Variants in AASS observed in about 807,000 individuals in gnomAD.
AASS encodes aminoadipate-semialdehyde synthase.
In AASS, 86 loss-of-function variants were observed where a neutral mutation model predicts 105.4. That is an observed-to-expected ratio of 0.82 (90% confidence interval 0.69 to 0.98). The LOEUF is 0.98. Among genes scored for constraint, AASS ranks in the 50% least tolerant of loss-of-function variants. AASS has a pLI of 0.00. For synonymous variants in AASS, 381 were observed against 394.8 expected (o/e 0.96, Z 0.41); for missense variants, 1,048 against 1,143.2 (o/e 0.92, Z 1.20).
chr7:122,076,318 G>T lies in AASS; in HGVS notation c.*171C>A. 1.6e-6 allele frequency: 1 copy of T among 607,256 alleles called. No individual in the cohort carries two copies. The highest frequency in any genetic ancestry group is 2.9e-6 in the Non-Finnish European group (1 of 342,516). 37.6% of individuals were successfully genotyped at this position (607,256 alleles called of 1,614,324 possible). ...TCTCTGTTAGTGGCTTGCATCTCCT[G>T]TTCCAAACATTTCCATATTAAAATA... On this transcript the variant is annotated 3_prime_UTR_variant, in exon 24 of 24. Coordinates refer to ENST00000417368, the MANE Select transcript of AASS (RefSeq NM_005763.4).
chr7:122,141,004 A>G (rs1796368319), intron 1 of AASS, among the ~76,000 whole-genome samples: 1 of 152,196 alleles, frequency 6.6e-6, no homozygotes, highest in East Asian at 1.9e-4. Context: ...CCAAACCATA[A>G]TATTTTTTGG....
At position 122,091,710 on chromosome 7, in the gene AASS, T is replaced by C; in HGVS notation, c.2009A>G (p.Asp670Gly). Residue 670 changes from aspartate (D) to glycine (G), a missense_variant, in exon 18 of 24, where the codon GAT becomes GGT. Asp to Gly is a moderately conservative substitution (Grantham distance 94, BLOSUM62 -1). Transcript: ENST00000417368. ...TTGGATAAGATTCCTCACCTTTCCA[T>C]CGAGCAGATAGGTGGCAGACTGCAT... ...NVMQSATYLL[D>G]GKVVNVAGGI... The C allele has an allele frequency of 1.9e-6, 3 of 1,613,472 alleles. No homozygotes were observed. The highest frequency in any genetic ancestry group is 2.5e-6 in the Non-Finnish European group (3 of 1,179,600).
chr7:122,113,383 G>A (rs374351676), intron 10 of AASS, among the ~76,000 whole-genome samples, 154 bp from the exon 11 acceptor site: 112 of 152,204 alleles, frequency 7.4e-4, no homozygotes, highest in African/African-American at 2.5e-3. Flanking sequence ...CAAACAAAAC[G>A]TTTTCCTTCT....
intron 2 of AASS, among the ~76,000 whole-genome samples, 171 bp from the exon 3 acceptor site, chr7:122,129,708 A>G (rs1440577540): frequency 6.6e-6 from 1 of 152,192 alleles, no homozygotes; most frequent in Non-Finnish European, 1.5e-5. Flanking sequence ...TTGGCTAAAG[A>G]TAAATCTATC....
intron 1 of AASS, among the ~76,000 whole-genome samples, chr7:122,135,271 T>TA (rs35382381): frequency 0.28 from 41,399 of 145,554 alleles, 5,960 homozygotes; most frequent in African/African-American, 0.35. Flanking sequence ...CTTAAAGTAT[T>TA]AAAAAAAAAA....
At chr7:122,118,112 C>T (rs1208042413) in intron 6 of AASS, among the ~76,000 whole-genome samples, 195 bp downstream of exon 6, 2 of 152,084 alleles carry the variant, frequency 1.3e-5, no homozygotes, top group Non-Finnish European at 2.9e-5. Context: ...TATATACACA[C>T]ACATACACAT....
At chr7:122,092,815 G>T (rs746602709) in intron 17 of AASS, 28 bp downstream of exon 17, 12 of 1,534,588 alleles carry the variant, frequency 7.8e-6, no homozygotes, top group African/African-American at 1.4e-5. Flanking sequence ...ACATTTTAAT[G>T]TTGCCTTTGG....
rs545901962 is a variant in AASS, at chr7:122,089,657, CACTG to C, written c.2016+2042_2016+2045del. ...AGGCAGATTGCAATCTATGTGACCTCACTGACTAAGAACACTGGAAGGCTGGCAT... is the reference window on the plus strand; with the variant it reads ...AGGCAGATTGCAATCTATGTGACCTCACTAAGAACACTGGAAGGCTGGCAT... On this transcript the variant is annotated intron_variant, in intron 18 of 23. Coordinates refer to ENST00000417368, the MANE Select transcript of AASS (RefSeq NM_005763.4). 1.4e-4 allele frequency among the ~76,000 whole-genome samples: 21 copies of C among 152,258 alleles called. No individual in the cohort carries two copies. In the East Asian group the frequency reaches 4.1e-3, roughly 29 times the overall value.
chr7:122,129,650 A>G, intron 2 of AASS, 113 bp from the exon 3 acceptor site: 1 of 950,622 alleles, frequency 1.1e-6, no homozygotes, highest in Non-Finnish European at 1.7e-6. Flanking sequence ...TAAAATCTGT[A>G]TGAATTAGAA....
chr7:122,138,772 T>C (rs1004054289), intron 1 of AASS, among the ~76,000 whole-genome samples: 3 of 152,136 alleles, frequency 2.0e-5, no homozygotes, highest in African/African-American at 7.2e-5. Context: ...ATGTTCTTTG[T>C]ATTTTTTTAT....
Position 122,092,831 on chromosome 7 carries a change from A to G in AASS, c.1875+12T>C. On this transcript the variant is annotated intron_variant, in intron 17 of 23. Coordinates refer to ENST00000417368, the MANE Select transcript of AASS (RefSeq NM_005763.4). ...CATTTTAATGTTGCCTTTGGGTACA[A>G]ATTGGGCTCACCGTGGCTCCCACTT... The G allele has an allele frequency of 6.2e-7, 1 of 1,606,920 alleles. No homozygotes were observed.
chr7:122,103,927 G>A (rs1794546756), intron 11 of AASS, among the ~76,000 whole-genome samples: 1 of 151,882 alleles, frequency 6.6e-6, no homozygotes, highest in Non-Finnish European at 1.5e-5. Context: ...TGTAAGCCTT[G>A]TGGTAACCAC....
At chr7:122,082,033 T>C (rs915261968) in intron 19 of AASS, among the ~76,000 whole-genome samples, 2 of 152,148 alleles carry the variant, frequency 1.3e-5, no homozygotes, top group African/African-American at 2.4e-5. Context: ...CTCTTTCTTA[T>C]AATGGAAGGA....
chr7:122,091,142 C>T (rs1793879491), intron 18 of AASS, among the ~76,000 whole-genome samples: 1 of 152,122 alleles, frequency 6.6e-6, no homozygotes, highest in Non-Finnish European at 1.5e-5. Flanking sequence ...AGCCAAATGA[C>T]CTTGGACATG....
chr7:122,095,551 T>G (rs547375462), intron 15 of AASS, among the ~76,000 whole-genome samples: 10 of 150,294 alleles, frequency 6.7e-5, no homozygotes, highest in Admixed American at 6.0e-4. Context: ...GTCAAATTCA[T>G]TCTGCATAGT....
intron 18 of AASS, among the ~76,000 whole-genome samples, chr7:122,090,814 C>G (rs1793862339): frequency 6.6e-6 from 1 of 152,072 alleles, no homozygotes; most frequent in African/African-American, 2.4e-5. Flanking sequence ...CTCCCTAAAC[C>G]TGATTTTTCC....
At chr7:122,092,982 A>G in intron 16 of AASS, 31 bp from the exon 17 acceptor site, 2 of 1,612,446 alleles carry the variant, frequency 1.2e-6, no homozygotes, top group Non-Finnish European at 1.7e-6. Context: ...AAAAAGGAAA[A>G]CTTGGATATA....
intron 17 of AASS, among the ~76,000 whole-genome samples, chr7:122,092,576 T>C (rs565203346): frequency 2.0e-5 from 3 of 152,106 alleles, no homozygotes; most frequent in African/African-American, 7.2e-5. Flanking sequence ...AATACAAAAT[T>C]AGCCGGGCAT....
chr7:122,122,173 G>A (rs936725646), intron 4 of AASS, among the ~76,000 whole-genome samples: 19 of 151,906 alleles, frequency 1.3e-4, no homozygotes, highest in African/African-American at 3.4e-4. Context: ...TTTTTGGCTT[G>A]GGGTTTATTG....
Sources: allele counts gnomAD v4.1 joint callset (sites outside exome capture counted in the v4.1 genomes callset), GRCh38; gene constraint gnomAD v4.1.1; transcripts MANE v1.5; gene names NCBI Gene and HGNC (gene_info 2026-07-23, HGNC 2026-07-21).